Variants in DDX10 observed in about 807,000 individuals in gnomAD.
DDX10 encodes the protein DEAD-box helicase 10.
A neutral mutation model predicts 104.3 loss-of-function variants in DDX10; 74 were observed. That is an observed-to-expected ratio of 0.71 (90% CI 0.59 to 0.86). The LOEUF (loss-of-function observed/expected upper bound fraction) is 0.86. DDX10 is among the 40% of genes least tolerant of loss of function. DDX10 has a pLI of 0.00. For missense variants in DDX10, 952 were observed against 1,040.0 expected (o/e 0.92, Z 1.16); for synonymous variants, 351 against 353.4 (o/e 0.99, Z 0.08).
At chr11:108,766,167 AT>A (rs2094356085) in intron 13 of DDX10, among the ~76,000 whole-genome samples, 1 of 152,200 alleles carries the variant, frequency 6.6e-6, no homozygotes, top group East Asian at 1.9e-4. Flanking sequence ...TGATAACCTA[AT>A]GAAAGCATAA....
intron 13 of DDX10, among the ~76,000 whole-genome samples, chr11:108,760,287 C>T (rs927421974): frequency 6.6e-6 from 1 of 151,890 alleles, no homozygotes; most frequent in African/African-American, 2.4e-5. Flanking sequence ...GCATAGCTTC[C>T]TAGATTCCTT....
In DDX10 at chr11:108,846,750, CT is replaced by C. The variant is rs1218823766; in HGVS notation, c.2247+5275del. Among the ~76,000 whole-genome samples the C allele has an allele frequency of 5.3e-5, 8 of 152,274 alleles. No homozygotes were observed. In the East Asian group the frequency reaches 1.5e-3, roughly 29 times the overall value. On this transcript the variant is annotated intron_variant, in intron 15 of 17. Coordinates refer to ENST00000322536, the MANE Select transcript of DDX10 (RefSeq NM_004398.4). Reference sequence around the variant, plus strand: ...GCAATAAACATGAGAGTGCAGACATCTATTTGACATACGAATTTCAATTCCC... The same window carrying C: ...GCAATAAACATGAGAGTGCAGACATCATTTGACATACGAATTTCAATTCCC...
chr11:108,732,742 A>G (rs1003487664), intron 13 of DDX10, among the ~76,000 whole-genome samples: 1 of 152,226 alleles, frequency 6.6e-6, no homozygotes, highest in African/African-American at 2.4e-5. Flanking sequence ...ACCTCCCACC[A>G]TAGGGAAGAA....
At chr11:108,747,226 G>A (rs1397629178) in intron 13 of DDX10, among the ~76,000 whole-genome samples, 1 of 152,092 alleles carries the variant, frequency 6.6e-6, no homozygotes, top group Admixed American at 6.6e-5. Context: ...TGTTTAGTGT[G>A]GTTATATATA....
intron 6 of DDX10, among the ~76,000 whole-genome samples, chr11:108,688,149 A>G (rs556998564): frequency 3.9e-5 from 6 of 152,190 alleles, no homozygotes; most frequent in African/African-American, 1.4e-4. Flanking sequence ...GATTTTCATC[A>G]TTTTTTGCTT....
At chr11:108,729,312 A>C (rs933140773) in intron 13 of DDX10, among the ~76,000 whole-genome samples, 3 of 152,080 alleles carry the variant, frequency 2.0e-5, no homozygotes, top group African/African-American at 7.2e-5. Flanking sequence ...CCATATTCAG[A>C]TCTGCTCATC....
intron 6 of DDX10, among the ~76,000 whole-genome samples, chr11:108,684,576 AC>A (rs2094240737): frequency 6.9e-6 from 1 of 144,906 alleles, no homozygotes; most frequent in African/African-American, 2.5e-5. Context: ...TATATGTGCC[AC>A]ATTTTCTTAA....
intron 16 of DDX10, among the ~76,000 whole-genome samples, chr11:108,889,386 T>G (rs2134638599): frequency 6.6e-6 from 1 of 152,296 alleles, no homozygotes; most frequent in Admixed American, 6.5e-5. Flanking sequence ...AAGGTATTAT[T>G]CTTTTAAACA....
At chr11:108,703,392 C>T (rs756940265) in intron 9 of DDX10, among the ~76,000 whole-genome samples, 5 of 151,834 alleles carry the variant, frequency 3.3e-5, no homozygotes, top group African/African-American at 9.7e-5. Context: ...TGCAGTGGCG[C>T]GATCTCTGCT....
At chr11:108,822,669 A>G (rs1242386353) in intron 13 of DDX10, 1 of 155,524 alleles carries the variant, frequency 6.4e-6, no homozygotes, top group Non-Finnish European at 1.4e-5. Flanking sequence ...CTCTTCCATC[A>G]CTGGTGCTAC....
At chr11:108,821,956 G>T (rs1414456589) in intron 13 of DDX10, among the ~76,000 whole-genome samples, 3 of 152,172 alleles carry the variant, frequency 2.0e-5, no homozygotes, top group African/African-American at 7.2e-5. Context: ...TTCTGAGACA[G>T]TGTGAAGGAA....
At chr11:108,797,774 A>G (rs553644233) in intron 13 of DDX10, among the ~76,000 whole-genome samples, 51 of 152,368 alleles carry the variant, frequency 3.3e-4, no homozygotes, top group Admixed American at 3.0e-3. Context: ...AATGTTTCCC[A>G]GATGAGGAAA....
intron 11 of DDX10, among the ~76,000 whole-genome samples, chr11:108,719,315 A>G (rs1344016697): frequency 6.6e-6 from 1 of 152,130 alleles, no homozygotes; most frequent in Non-Finnish European, 1.5e-5. Flanking sequence ...TTGTTACTAT[A>G]TTCCAGAAAA....
intron 10 of DDX10, among the ~76,000 whole-genome samples, chr11:108,710,125 C>A (rs1043755917): frequency 1.3e-5 from 2 of 152,098 alleles, no homozygotes; most frequent in Non-Finnish European, 2.9e-5. Flanking sequence ...AAAAGCATAC[C>A]TGCATAGGGC....
intron 6 of DDX10, among the ~76,000 whole-genome samples, chr11:108,682,583 T>G (rs916106584): frequency 2.6e-5 from 4 of 152,234 alleles, no homozygotes; most frequent in Middle Eastern, 3.2e-3. Context: ...TGACAGTTAA[T>G]TTAATTATTA....
At chr11:108,929,804 T>C (rs766908436) in intron 17 of DDX10, 11 of 152,222 alleles carry the variant, frequency 7.2e-5, no homozygotes, top group Non-Finnish European at 1.5e-4. Context: ...TAAGTTATAA[T>C]GTATTGGGGG....
intron 16 of DDX10, among the ~76,000 whole-genome samples, chr11:108,910,775 G>GTC (rs1863662789): frequency 3.1e-5 from 3 of 96,322 alleles, no homozygotes; most frequent in African/African-American, 1.3e-4. Context: ...GTGTGTGTGT[G>GTC]TGTGTGTGTG....
intron 13 of DDX10, among the ~76,000 whole-genome samples, chr11:108,731,525 T>C (rs1276337662): frequency 2.0e-5 from 3 of 151,816 alleles, no homozygotes; most frequent in Non-Finnish European, 4.4e-5. Context: ...TCTTTTTTTT[T>C]TTTTTGAGAC....
intron 16 of DDX10, among the ~76,000 whole-genome samples, chr11:108,853,526 G>A (rs1393805144): frequency 8.6e-5 from 13 of 151,486 alleles, no homozygotes. Flanking sequence ...ACTTATTGAT[G>A]GTGTATGCTC....
Sources: allele counts gnomAD v4.1 joint callset (sites outside exome capture counted in the v4.1 genomes callset), GRCh38; gene constraint gnomAD v4.1.1; transcripts MANE v1.5; gene names NCBI Gene and HGNC (gene_info 2026-07-23, HGNC 2026-07-21).